Variants in HOOK3 observed in about 807,000 individuals in gnomAD.
The protein encoded by HOOK3 is protein Hook homolog 3.
Under a neutral mutation model 116.3 loss-of-function variants are expected in HOOK3, and 24 were observed. The ratio of observed to expected loss-of-function variants is 0.21; its 90% CI spans 0.15 to 0.29. The LOEUF (loss-of-function observed/expected upper bound fraction) is 0.29. HOOK3 is among the 10% of genes least tolerant of loss of function. The pLI, the probability that HOOK3 is intolerant of heterozygous loss-of-function variation, is 1.00. For synonymous variants in HOOK3, 275 were observed against 283.0 expected, an observed-to-expected ratio of 0.97 and a Z score of 0.28; for missense variants, 632 against 830.2, an observed-to-expected ratio of 0.76 and a Z score of 2.93.
intron 2 of HOOK3, among the ~76,000 whole-genome samples, chr8:42,911,341 C>T (rs934051022): frequency 6.6e-6 from 1 of 152,180 alleles, no homozygotes. Context: ...ATCCCAGCTA[C>T]TAGGGAGACT....
chr8:43,000,342 T>G (rs1342529519), intron 16 of HOOK3: 4 of 1,014,884 alleles, frequency 3.9e-6, no homozygotes, highest in African/African-American at 1.7e-5. Context: ...GCCATCATAG[T>G]TGATGGTGTG....
chr8:42,962,226 G>T (rs1808545991), intron 8 of HOOK3, among the ~76,000 whole-genome samples: 1 of 151,148 alleles, frequency 6.6e-6, no homozygotes, highest in Non-Finnish European at 1.5e-5. Flanking sequence ...GGGGCCACAG[G>T]TGCCTACCAC....
chr8:42,966,399 T>G (rs933669792), intron 9 of HOOK3, 74 bp from the exon 10 acceptor site: 2 of 1,472,696 alleles, frequency 1.4e-6, no homozygotes, highest in Admixed American at 2.0e-5. Flanking sequence ...GCTTTATATC[T>G]TTCTTTTACT....
At chr8:43,003,410 A>G (rs1010296854) in intron 17 of HOOK3, among the ~76,000 whole-genome samples, 1 of 152,184 alleles carries the variant, frequency 6.6e-6, no homozygotes, top group Non-Finnish European at 1.5e-5. Flanking sequence ...ATTACCTGCA[A>G]TGAGAGTTTA....
intron 4 of HOOK3, among the ~76,000 whole-genome samples, chr8:42,931,639 A>G (rs1807875296): frequency 6.6e-6 from 1 of 151,138 alleles, no homozygotes; most frequent in Admixed American, 6.6e-5. Context: ...TCACTGTGTT[A>G]GCCAGGATGG....
chr8:42,990,325 CTTTTTTTTTTTTTTTTTT>C (rs59033055), intron 15 of HOOK3, among the ~76,000 whole-genome samples: 31 of 37,898 alleles, frequency 8.2e-4, no homozygotes, highest in South Asian at 5.8e-3. Context: ...CTGTTTAGAT[CTTTTTTTTTTTTTTTTTT>C]TTTTTTTTTT....
At chr8:42,970,378 CT>C (rs1474754300) in intron 11 of HOOK3, among the ~76,000 whole-genome samples, 3 of 152,138 alleles carry the variant, frequency 2.0e-5, no homozygotes, top group African/African-American at 4.8e-5. Flanking sequence ...ATACTTTGTC[CT>C]TTTTCAAAAG....
rs1246543844 is a variant in HOOK3, at chr8:43,024,878, G to GGGGCA, written c.*6382_*6386dup. On this transcript the variant is annotated 3_prime_UTR_variant, in exon 22 of 22. Coordinates refer to ENST00000307602, the MANE Select transcript of HOOK3 (RefSeq NM_032410.4). ...ATTTAGCTTCCTTTCTAGAAAACAAGGGGCAGCACAAATGGGGTGGCATCC... is the reference window on the plus strand; with the variant it reads ...ATTTAGCTTCCTTTCTAGAAAACAAGGGGCAGGGCAGCACAAATGGGGTGGCATCC... The GGGGCA allele has an allele frequency of 4.8e-6, 1 of 208,624 alleles. No homozygotes were observed. Among genetic ancestry groups the GGGGCA allele is most frequent in the African/African-American group, 2.3e-5 (1 of 43,948 alleles). The allele number at this position is 208,624 out of a possible 1,614,324, so 12.9% of individuals were successfully genotyped here.
rs549903784 is a variant in HOOK3 at position 43,011,007 on chromosome 8, T to TC, written c.1839+602_1839+603insC. On this transcript the variant is annotated intron_variant, in intron 19 of 21. Coordinates refer to ENST00000307602, the MANE Select transcript of HOOK3 (RefSeq NM_032410.4). The stretch of plus-strand genomic sequence containing the variant: ...TTAAGGGGGTCCATTTTCTTTTTTT[T>TC]TTTGAGATGGAGTCTCGCTCTGTCG... 1.6e-3 allele frequency among the ~76,000 whole-genome samples: 249 copies of TC among 152,046 alleles called. 2 individuals are homozygous for TC. The highest frequency in any genetic ancestry group is 3.1e-3 in the Admixed American group (47 of 15,282).
chr8:42,938,733 T>TA (rs1808027793), intron 4 of HOOK3, among the ~76,000 whole-genome samples: 1 of 151,710 alleles, frequency 6.6e-6, no homozygotes, highest in African/African-American at 2.4e-5. Context: ...TTTATTTATT[T>TA]TTATTGATCA....
At chr8:42,955,065 G>T (rs189251097) in intron 6 of HOOK3, among the ~76,000 whole-genome samples, 23 of 152,268 alleles carry the variant, frequency 1.5e-4, no homozygotes, top group Admixed American at 1.0e-3. Flanking sequence ...TTGAGATTGG[G>T]AACTTTATTA....
chr8:42,980,178 C>T (rs1274448203), intron 13 of HOOK3, among the ~76,000 whole-genome samples: 1 of 151,964 alleles, frequency 6.6e-6, no homozygotes, highest in African/African-American at 2.4e-5. Flanking sequence ...GTCTTGAACT[C>T]CTGACCTCAG....
In HOOK3 at chr8:43,016,329, C is replaced by G. The variant is rs1809715556; in HGVS notation, c.2017-2029C>G. Among the ~76,000 whole-genome samples, 7 of 152,144 alleles carry G rather than the reference C, an allele frequency of 4.6e-5. No individual in the cohort carries two copies. In the South Asian group the frequency reaches 1.5e-3, roughly 32 times the overall value. On this transcript the variant is annotated intron_variant, in intron 21 of 21. Coordinates refer to ENST00000307602, the MANE Select transcript of HOOK3 (RefSeq NM_032410.4). ...TAGAAACAGGGTTTCACCGTTTTAG[C>G]CAGGATGGTCTCAATCTCCTGACTT...
At chr8:42,958,596 G>GTTTTT (rs71550434) in intron 7 of HOOK3, among the ~76,000 whole-genome samples, 4 of 106,352 alleles carry the variant, frequency 3.8e-5, no homozygotes, top group African/African-American at 1.0e-4. Context: ...GTTTTTGATA[G>GTTTTT]TTTTTTTTTT....
intron 9 of HOOK3, among the ~76,000 whole-genome samples, chr8:42,965,568 T>A (rs572469881): frequency 5.5e-4 from 84 of 152,314 alleles, no homozygotes; most frequent in South Asian, 1.5e-3. Flanking sequence ...AAGAGTATGA[T>A]GAAAATATTT....
At chr8:42,906,391 T>C (rs938704339) in intron 2 of HOOK3, 133 bp downstream of exon 2, 3 of 647,806 alleles carry the variant, frequency 4.6e-6, no homozygotes, top group Non-Finnish European at 8.3e-6. Context: ...GCACTAGTTT[T>C]AATGGAATGT....
intron 19 of HOOK3, among the ~76,000 whole-genome samples, chr8:43,011,707 C>T (rs1170284717): frequency 6.6e-6 from 1 of 151,884 alleles, no homozygotes; most frequent in Non-Finnish European, 1.5e-5. Context: ...GACTCCGTCT[C>T]TACAAAAAAA....
intron 11 of HOOK3, among the ~76,000 whole-genome samples, chr8:42,969,568 T>C (rs1455141265): frequency 6.6e-6 from 1 of 152,208 alleles, no homozygotes; most frequent in Non-Finnish European, 1.5e-5. Flanking sequence ...GAGGCTACAG[T>C]GAGCTATGAT....
chr8:42,907,601 T>C (rs1018191542), intron 2 of HOOK3, among the ~76,000 whole-genome samples: 2 of 152,146 alleles, frequency 1.3e-5, no homozygotes, highest in Admixed American at 6.5e-5. Flanking sequence ...TAAAAATTGT[T>C]TGAGACTGTG....
Sources: gnomAD v4.1 joint callset for allele counts (sites outside exome capture counted in the v4.1 genomes callset) on GRCh38, gnomAD v4.1.1 for gene constraint, MANE v1.5 for transcripts, NCBI Gene and HGNC (gene_info 2026-07-23, HGNC 2026-07-21) for gene names.